NEIL3: variants seen among roughly 807,000 people sequenced by gnomAD.
NEIL3 encodes the protein endonuclease 8-like 3.
In NEIL3, 48 loss-of-function variants were observed where a neutral mutation model predicts 57.5. The observed-to-expected ratio is 0.83, with a 90% CI of 0.66 to 1.06. NEIL3 has a LOEUF of 1.06. NEIL3 is among the 50% of genes least tolerant of loss of function. NEIL3 has a pLI of 0.00. For synonymous variants in NEIL3, 261 were observed against 253.2 expected (o/e 1.03, Z -0.29); for missense variants, 717 against 739.1 (o/e 0.97, Z 0.35).
intron 2 of NEIL3, among the ~76,000 whole-genome samples, chr4:177,326,715 T>G (rs1484305520): frequency 6.6e-6 from 1 of 152,184 alleles, no homozygotes. Context: ...ATTTAGATCT[T>G]CCTTCATTTC....
At chr4:177,320,267 T>C (rs933155459) in intron 1 of NEIL3, among the ~76,000 whole-genome samples, 2 of 152,044 alleles carry the variant, frequency 1.3e-5, no homozygotes, top group Non-Finnish European at 2.9e-5. Context: ...TTGACTTATA[T>C]AAAAAGAAGG....
chr4:177,342,100 C>T (rs1340908639), intron 6 of NEIL3, among the ~76,000 whole-genome samples: 2 of 152,144 alleles, frequency 1.3e-5, no homozygotes, highest in Non-Finnish European at 1.5e-5. Flanking sequence ...ATGTCTCTTC[C>T]AATGATACAT....
chr4:177,312,958 T>A lies in NEIL3; in HGVS notation c.156+2849T>A, dbSNP rs532988014. ...GTAAATTTCATTAAAACATGGTAGG[T>A]TGTCACAAACCTCTGGCAAGATCAT... On this transcript the variant is annotated intron_variant, in intron 1 of 9. Transcript: ENST00000264596. Among the ~76,000 whole-genome samples, 8 of 152,310 alleles carry A rather than the reference T, an allele frequency of 5.3e-5. No individual in the cohort carries two copies. In the East Asian group the frequency reaches 1.4e-3, roughly 26 times the overall value.
In NEIL3 at chr4:177,322,563, T is replaced by C. The variant is rs773746489; in HGVS notation, c.261T>C (p.Phe87=). Residue 87 remains phenylalanine, a synonymous_variant, in exon 2 of 10, where the codon TTT becomes TTC. Transcript: ENST00000264596. Reference sequence around the variant, plus strand: ...TGGGGAAGGAGCTCTTTATGTACTTTGGACCAAAAGCTTTACGGTAAGATA... The same window carrying C: ...TGGGGAAGGAGCTCTTTATGTACTTCGGACCAAAAGCTTTACGGTAAGATA... ...ETLGKELFMY[F]GPKALRIHFG... 18 of 1,613,816 alleles carry C rather than the reference T, an allele frequency of 1.1e-5. No individual in the cohort carries two copies. In the Middle Eastern group the frequency reaches 4.9e-4, roughly 44 times the overall value.
downstream of NEIL3, among the ~76,000 whole-genome samples, chr4:177,365,196 A>G (rs1233788799): frequency 6.6e-6 from 1 of 152,116 alleles, no homozygotes; most frequent in Non-Finnish European, 1.5e-5. Context: ...CTGGGTTCCT[A>G]CCACATCCAA....
intron 6 of NEIL3, among the ~76,000 whole-genome samples, chr4:177,350,827 G>A (rs1008014283): frequency 6.6e-6 from 1 of 151,902 alleles, no homozygotes; most frequent in Non-Finnish European, 1.5e-5. Flanking sequence ...TTAAAAAAAA[G>A]CTACTCGATT....
At chr4:177,343,456 C>T (rs1275561101) in intron 6 of NEIL3, 1 of 152,360 alleles carries the variant, frequency 6.6e-6, no homozygotes, top group African/African-American at 2.4e-5. Flanking sequence ...TAGGAAGAGA[C>T]TCAGGGCACC....
At chr4:177,315,110 A>G (rs1048121313) in intron 1 of NEIL3, among the ~76,000 whole-genome samples, 3 of 150,946 alleles carry the variant, frequency 2.0e-5, no homozygotes, top group Non-Finnish European at 4.4e-5. Flanking sequence ...TACTGGGGGG[A>G]AAAGTGTGTG....
At chr4:177,370,718 C>A in the NEIL3 span, among the ~76,000 whole-genome samples, 1 of 151,956 alleles carries the variant, frequency 6.6e-6, no homozygotes, top group African/African-American at 2.4e-5. Flanking sequence ...CTGGCCAACA[C>A]GGTAAAACCC....
In NEIL3 at chr4:177,312,865, GA is replaced by G. The variant is rs766238585; in HGVS notation, c.156+2766del. On this transcript the variant is annotated intron_variant, in intron 1 of 9. Coordinates refer to ENST00000264596, the MANE Select transcript of NEIL3 (RefSeq NM_018248.3). Reference sequence around the variant, plus strand: ...GCTTCATTTTCTGGGACTTTGATCTGAAAAAAAAAACATAATTATAACCTTT... The same window carrying G: ...GCTTCATTTTCTGGGACTTTGATCTGAAAAAAAAACATAATTATAACCTTT... Among the ~76,000 whole-genome samples, 111 of 146,104 alleles carry G rather than the reference GA, an allele frequency of 7.6e-4. No individual in the cohort carries two copies. The East Asian group carries it at 8.7e-3, about 11-fold the overall frequency.
intron 6 of NEIL3, among the ~76,000 whole-genome samples, chr4:177,342,569 G>A (rs1457264451): frequency 6.6e-6 from 1 of 152,146 alleles, no homozygotes; most frequent in Non-Finnish European, 1.5e-5. Context: ...GTTTCTATGT[G>A]CAGGAAGGTT....
chr4:177,322,836 C>T (rs545848648), intron 2 of NEIL3, among the ~76,000 whole-genome samples: 13 of 152,180 alleles, frequency 8.5e-5, no homozygotes, highest in Non-Finnish European at 1.8e-4. Flanking sequence ...ATCTGTTTTG[C>T]TAGTCCCCAA....
At chr4:177,371,174 C>T in the NEIL3 span, among the ~76,000 whole-genome samples, 1 of 152,176 alleles carries the variant, frequency 6.6e-6, no homozygotes, top group Non-Finnish European at 1.5e-5. Context: ...ACAACAATTC[C>T]ATATCTACCT....
At chr4:177,362,246 T>C (rs773072928) in intron 9 of NEIL3, 43 bp from the exon 10 acceptor site, 35 of 1,522,546 alleles carry the variant, frequency 2.3e-5, no homozygotes, top group Non-Finnish European at 2.9e-5. Context: ...TACATCATGA[T>C]AACTTTTGTA....
chr4:177,314,134 C>T (rs1360546053), intron 1 of NEIL3, among the ~76,000 whole-genome samples: 1 of 152,118 alleles, frequency 6.6e-6, no homozygotes, highest in African/African-American at 2.4e-5. Context: ...AGAGAACATG[C>T]ATTATATACT....
chr4:177,355,569 C>A (rs1393832706), intron 8 of NEIL3, among the ~76,000 whole-genome samples: 1 of 152,034 alleles, frequency 6.6e-6, no homozygotes, highest in African/African-American at 2.4e-5. Context: ...GATTGGGAAC[C>A]TACGGCTATG....
intron 1 of NEIL3, among the ~76,000 whole-genome samples, chr4:177,313,220 TACCAAAAAACAA>T (rs1224381692): frequency 1.3e-5 from 2 of 152,196 alleles, no homozygotes; most frequent in Admixed American, 6.5e-5. Context: ...CAGATAATCA[TACCAAAAAACAA>T]ACCAAAAAAC....
At chr4:177,353,952 G>T (rs1055287499) in intron 8 of NEIL3, 28 of 464,016 alleles carry the variant, frequency 6.0e-5, no homozygotes, top group African/African-American at 5.2e-4. Context: ...TTTCAGTAGA[G>T]ACGGGGTTTC....
chr4:177,358,808 A>G (rs1226143399), intron 8 of NEIL3, among the ~76,000 whole-genome samples: 2 of 152,192 alleles, frequency 1.3e-5, no homozygotes, highest in African/African-American at 4.8e-5. Context: ...GGTTGAAACA[A>G]GTAGGTTAGA....
Sources: gnomAD v4.1 joint callset for allele counts (sites outside exome capture counted in the v4.1 genomes callset) on GRCh38, gnomAD v4.1.1 for gene constraint, MANE v1.5 for transcripts, NCBI Gene and HGNC (gene_info 2026-07-23, HGNC 2026-07-21) for gene names.